Variants in PEPD observed in about 807,000 individuals in gnomAD.
PEPD encodes the protein peptidase D, also known as xaa-Pro dipeptidase.
Under a neutral mutation model 60.7 loss-of-function variants are expected in PEPD, and 53 were observed. The ratio of observed to expected loss-of-function variants is 0.87; its 90% confidence interval spans 0.70 to 1.10. The LOEUF (loss-of-function observed/expected upper bound fraction) is 1.10. Ranked by LOEUF, PEPD falls within the 50% of genes least tolerant of loss-of-function variation. PEPD has a pLI of 0.00. For synonymous variants in PEPD, 267 were observed against 284.1 expected (o/e 0.94, Z 0.60); for missense variants, 711 against 711.9 (o/e 1.00, Z 0.01).
At chr19:33,475,917 T>C (rs749384966) in intron 7 of PEPD, among the ~76,000 whole-genome samples, 28 of 152,216 alleles carry the variant, frequency 1.8e-4, no homozygotes, top group Non-Finnish European at 3.5e-4. Context: ...TGGAGTATGG[T>C]AGCATAATCA....
At chr19:33,436,768 G>GAATT (rs1356275747) in intron 9 of PEPD, among the ~76,000 whole-genome samples, 2 of 152,244 alleles carry the variant, frequency 1.3e-5, no homozygotes, top group Non-Finnish European at 2.9e-5. Flanking sequence ...GCCAGGAAGG[G>GAATT]AATTGGTTGG....
chr19:33,433,635 C>T (rs2145399815), intron 9 of PEPD, among the ~76,000 whole-genome samples: 1 of 152,350 alleles, frequency 6.6e-6, no homozygotes, highest in East Asian at 1.9e-4. Flanking sequence ...ATAATTGCTT[C>T]TAATAGACTC....
chr19:33,413,763 A>G (rs1009050686), intron 9 of PEPD, 120 bp from the exon 10 acceptor site: 8 of 686,718 alleles, frequency 1.2e-5, no homozygotes, highest in African/African-American at 7.0e-5. Context: ...TGGCCCCACA[A>G]TGGTCCAAAC....
At chr19:33,484,115 A>T (rs1970356467) in intron 6 of PEPD, among the ~76,000 whole-genome samples, 1 of 152,238 alleles carries the variant, frequency 6.6e-6, no homozygotes, top group Non-Finnish European at 1.5e-5. Flanking sequence ...CTATACAAAC[A>T]GAACTATATG....
At chr19:33,443,228 T>G (rs1197847571) in intron 9 of PEPD, among the ~76,000 whole-genome samples, 3 of 152,244 alleles carry the variant, frequency 2.0e-5, no homozygotes, top group Non-Finnish European at 4.4e-5. Context: ...GATCTATCGA[T>G]TCTGTCATAT....
At chr19:33,420,947 T>C (rs1405833355) in intron 9 of PEPD, among the ~76,000 whole-genome samples, 2 of 152,112 alleles carry the variant, frequency 1.3e-5, no homozygotes, top group Non-Finnish European at 2.9e-5. Context: ...TTCATGTAAA[T>C]GGAATCAAAC....
intron 1 of PEPD, among the ~76,000 whole-genome samples, chr19:33,513,217 A>C (rs1970962082): frequency 6.6e-6 from 1 of 152,062 alleles, no homozygotes; most frequent in South Asian, 2.1e-4. Flanking sequence ...TCCCTGCTAG[A>C]GGCCAGCTTG....
At chr19:33,436,795 T>C (rs760814775) in intron 9 of PEPD, among the ~76,000 whole-genome samples, 1 of 152,196 alleles carries the variant, frequency 6.6e-6, no homozygotes, top group Non-Finnish European at 1.5e-5. Context: ...TCAGCATGCC[T>C]AGCTCTCTGG....
At chr19:33,409,228 G>A (rs190973906) in intron 11 of PEPD, among the ~76,000 whole-genome samples, 58 of 152,384 alleles carry the variant, frequency 3.8e-4, no homozygotes, top group Admixed American at 2.0e-3. Flanking sequence ...TCATGGCCAC[G>A]TGGCTCTGGC....
chr19:33,453,453 A>C (rs1338898954), intron 9 of PEPD, among the ~76,000 whole-genome samples: 1 of 152,246 alleles, frequency 6.6e-6, no homozygotes, highest in East Asian at 1.9e-4. Flanking sequence ...TTTTTTAGAA[A>C]TTGAAGGTTT....
chr19:33,465,401 A>T (rs1377293653), intron 7 of PEPD, among the ~76,000 whole-genome samples: 1 of 152,148 alleles, frequency 6.6e-6, no homozygotes, highest in Non-Finnish European at 1.5e-5. Flanking sequence ...GGGTCCTGTA[A>T]GTTGCAGTGG....
At chr19:33,486,349 T>C (rs1250244381) in intron 6 of PEPD, among the ~76,000 whole-genome samples, 2 of 141,370 alleles carry the variant, frequency 1.4e-5, no homozygotes, top group Non-Finnish European at 3.0e-5. Flanking sequence ...CAGCAAAGCC[T>C]GCTCTTCCCA....
At chr19:33,430,371 C>A (rs966527904) in intron 9 of PEPD, among the ~76,000 whole-genome samples, 3 of 152,128 alleles carry the variant, frequency 2.0e-5, no homozygotes, top group African/African-American at 7.2e-5. Flanking sequence ...GTCGTTCACA[C>A]TGGGAACCAC....
intron 11 of PEPD, among the ~76,000 whole-genome samples, chr19:33,411,118 T>G (rs566984594): frequency 1.3e-5 from 2 of 152,130 alleles, no homozygotes; most frequent in Admixed American, 6.5e-5. Flanking sequence ...GTGGCTTCTA[T>G]GAAGAACTGT....
chr19:33,506,332 A>C (rs564307858), intron 3 of PEPD, among the ~76,000 whole-genome samples: 3 of 129,576 alleles, frequency 2.3e-5, no homozygotes, highest in South Asian at 5.2e-4. Flanking sequence ...CTACACACAC[A>C]CCCACACACA....
At chr19:33,389,196 G>C (rs1459250741) in intron 13 of PEPD, 1 of 152,372 alleles carries the variant, frequency 6.6e-6, no homozygotes, top group African/African-American at 2.4e-5. Context: ...ACGGAGGGCA[G>C]GGACAGCCAC....
intron 9 of PEPD, among the ~76,000 whole-genome samples, chr19:33,459,885 C>A (rs1388053484): frequency 6.6e-6 from 1 of 152,168 alleles, no homozygotes; most frequent in Non-Finnish European, 1.5e-5. Flanking sequence ...CTGTGCAAGG[C>A]TGAAGCCAGC....
At chr19:33,488,227 C>T (rs1970433214) in intron 6 of PEPD, among the ~76,000 whole-genome samples, 1 of 152,110 alleles carries the variant, frequency 6.6e-6, no homozygotes, top group Non-Finnish European at 1.5e-5. Flanking sequence ...CACAGAGGAG[C>T]AATGGGATTT....
At chr19:33,406,836 G>A (rs774334315) in intron 11 of PEPD, among the ~76,000 whole-genome samples, 22 of 152,124 alleles carry the variant, frequency 1.4e-4, no homozygotes, top group Non-Finnish European at 5.9e-5. Flanking sequence ...TCGAGGTCTC[G>A]CCATTATCTA....
Sources: gnomAD v4.1 joint callset for allele counts (sites outside exome capture counted in the v4.1 genomes callset) on GRCh38, gnomAD v4.1.1 for gene constraint, MANE v1.5 for transcripts, NCBI Gene and HGNC (gene_info 2026-07-23, HGNC 2026-07-21) for gene names.